The following GNA14 variants were observed in gnomAD, a reference collection of about 807,000 sequenced individuals.
The protein encoded by GNA14 is G protein subunit alpha 14.
A neutral mutation model predicts 42.0 loss-of-function variants in GNA14; 50 were observed. The observed-to-expected ratio is 1.19, with a 90% CI of 0.95 to 1.51. The LOEUF (loss-of-function observed/expected upper bound fraction) is 1.51. GNA14 is among the 40% of genes most tolerant of loss of function. The pLI, the probability that GNA14 is intolerant of heterozygous loss-of-function variation, is 0.00. For missense variants in GNA14, 473 were observed against 446.2 expected, an observed-to-expected ratio of 1.06 and a Z score of -0.54; for synonymous variants, 173 against 163.1, an observed-to-expected ratio of 1.06 and a Z score of -0.46.
At chr9:77,576,891 G>A (rs936244303) in intron 1 of GNA14, among the ~76,000 whole-genome samples, 1 of 151,974 alleles carries the variant, frequency 6.6e-6, no homozygotes, top group Non-Finnish European at 1.5e-5. Context: ...ATGAAAATAT[G>A]AGCCTCATAT....
At chr9:77,629,948 G>T (rs184518262) in intron 1 of GNA14, among the ~76,000 whole-genome samples, 85 of 152,162 alleles carry the variant, frequency 5.6e-4, no homozygotes, top group African/African-American at 1.9e-3. Flanking sequence ...TTAAAATCTT[G>T]TCCTTATTTA....
At chr9:77,580,164 C>T (rs1348393144) in intron 1 of GNA14, 1 of 225,194 alleles carries the variant, frequency 4.4e-6, no homozygotes, top group African/African-American at 2.3e-5. Context: ...ACTTGGGTCA[C>T]AAACCACACT....
chr9:77,545,527 TG>T (rs1837708828), intron 1 of GNA14, among the ~76,000 whole-genome samples: 1 of 152,194 alleles, frequency 6.6e-6, no homozygotes, highest in Non-Finnish European at 1.5e-5. Flanking sequence ...AGTTTATGAA[TG>T]CGTGGTCAAA....
chr9:77,583,938 T>C (rs755368396), intron 1 of GNA14, among the ~76,000 whole-genome samples: 30 of 152,198 alleles, frequency 2.0e-4, no homozygotes, highest in African/African-American at 4.3e-4. Flanking sequence ...CGATGCTCCA[T>C]TGATCTGCAG....
chr9:77,622,245 AACAACAAC>A (rs1263466173), intron 1 of GNA14, among the ~76,000 whole-genome samples: 36 of 152,082 alleles, frequency 2.4e-4, no homozygotes, highest in African/African-American at 8.7e-4. Context: ...TGAAATTAAC[AACAACAAC>A]AAGAAGAAAT....
intron 4 of GNA14, 100 bp from the exon 5 acceptor site, chr9:77,429,136 C>T: frequency 3.5e-6 from 4 of 1,148,988 alleles, no homozygotes; most frequent in Non-Finnish European, 3.8e-6. Flanking sequence ...TCTTGGAGTC[C>T]TCAGTAATTT....
intron 1 of GNA14, among the ~76,000 whole-genome samples, chr9:77,645,287 G>C (rs765638908): frequency 6.6e-6 from 1 of 152,176 alleles, no homozygotes; most frequent in Admixed American, 6.5e-5. Context: ...TAGAGAGATG[G>C]GTGAATTTTT....
chr9:77,597,944 CAGG>C (rs1383239935), intron 1 of GNA14, among the ~76,000 whole-genome samples: 1 of 152,032 alleles, frequency 6.6e-6, no homozygotes, highest in Non-Finnish European at 1.5e-5. Context: ...CATGCTGAGA[CAGG>C]AGAATAGCTT....
At chr9:77,618,118 A>T (rs1256156500) in intron 1 of GNA14, among the ~76,000 whole-genome samples, 2 of 152,070 alleles carry the variant, frequency 1.3e-5, no homozygotes, top group Non-Finnish European at 2.9e-5. Flanking sequence ...AAGCTCTCAG[A>T]TATTTGAAGG....
At chr9:77,641,748 T>C (rs773016361) in intron 1 of GNA14, among the ~76,000 whole-genome samples, 24 of 152,166 alleles carry the variant, frequency 1.6e-4, no homozygotes, top group Non-Finnish European at 3.5e-4. Context: ...AGGACGTTAT[T>C]GGGTGAACCA....
At chr9:77,456,442 A>C (rs1161288060) in intron 2 of GNA14, 1 of 152,252 alleles carries the variant, frequency 6.6e-6, no homozygotes, top group African/African-American at 2.4e-5. Flanking sequence ...ACTTCTCTGA[A>C]GTACAGAACT....
At chr9:77,481,282 A>G (rs1488930869) in intron 2 of GNA14, among the ~76,000 whole-genome samples, 1 of 152,114 alleles carries the variant, frequency 6.6e-6, no homozygotes, top group Non-Finnish European at 1.5e-5. Context: ...GAACATCTTT[A>G]TTTCTGCCTT....
intron 2 of GNA14, among the ~76,000 whole-genome samples, chr9:77,520,495 C>T (rs551986147): frequency 3.9e-5 from 6 of 152,254 alleles, no homozygotes; most frequent in South Asian, 4.1e-4. Context: ...TCACAAAAGA[C>T]GTGAATTATG....
At chr9:77,569,980 T>C (rs1418057521) in intron 1 of GNA14, among the ~76,000 whole-genome samples, 1 of 152,050 alleles carries the variant, frequency 6.6e-6, no homozygotes, top group Non-Finnish European at 1.5e-5. Flanking sequence ...TTGGTCAGTC[T>C]GATCTCGAAC....
At chr9:77,644,198 C>T (rs999646953) in intron 1 of GNA14, among the ~76,000 whole-genome samples, 5 of 152,020 alleles carry the variant, frequency 3.3e-5, no homozygotes, top group African/African-American at 4.8e-5. Flanking sequence ...GACACAGTGG[C>T]TCATGCCTGT....
chr9:77,480,433 T>G (rs940119468), intron 2 of GNA14, among the ~76,000 whole-genome samples: 2 of 152,202 alleles, frequency 1.3e-5, no homozygotes, highest in African/African-American at 4.8e-5. Flanking sequence ...CTTTTTGATG[T>G]GCTGCTGGAT....
intron 1 of GNA14, among the ~76,000 whole-genome samples, chr9:77,637,835 A>G (rs188171606): frequency 1.0e-3 from 157 of 152,334 alleles, no homozygotes; most frequent in African/African-American, 3.4e-3. Context: ...TTGTTAATAC[A>G]GAGAGTACCA....
chr9:77,450,831 T>A (rs980293749), intron 2 of GNA14, among the ~76,000 whole-genome samples: 1 of 152,016 alleles, frequency 6.6e-6, no homozygotes, highest in African/African-American at 2.4e-5. Context: ...GGTGGGTTTT[T>A]CCCGTGCTGT....
intron 2 of GNA14, among the ~76,000 whole-genome samples, chr9:77,467,141 G>A (rs1295687958): frequency 1.3e-5 from 2 of 151,736 alleles, no homozygotes; most frequent in Non-Finnish European, 2.9e-5. Context: ...CTCTTTCTGG[G>A]CACTCCTGAG....
Sources: allele counts gnomAD v4.1 joint callset (sites outside exome capture counted in the v4.1 genomes callset), GRCh38; gene constraint gnomAD v4.1.1; transcripts MANE v1.5; gene names NCBI Gene and HGNC (gene_info 2026-07-23, HGNC 2026-07-21).